TTR: variants seen among roughly 807,000 people sequenced by gnomAD.
TTR encodes the protein epididymis luminal protein 111.
In TTR, 8 loss-of-function variants were observed where a neutral mutation model predicts 13.7. The observed-to-expected ratio is 0.58, with a 90% confidence interval of 0.34 to 1.05. The LOEUF (loss-of-function observed/expected upper bound fraction) is 1.05, where lower values mean the gene tolerates loss of function less well. Ranked by LOEUF, TTR falls within the 50% of genes least tolerant of loss-of-function variation. The pLI, the probability that TTR is intolerant of heterozygous loss-of-function variation, is 0.02. For missense variants in TTR, 135 were observed against 185.5 expected (o/e 0.73, Z 1.58); for synonymous variants, 75 against 71.7 (o/e 1.05, Z -0.23).
At chr18:31,592,099 T>C in intron 1 of TTR, 128 bp downstream of exon 1, 1 of 910,808 alleles carries the variant, frequency 1.1e-6, no homozygotes, top group Non-Finnish European at 1.7e-6. Flanking sequence ...CTATTTTTAA[T>C]ATAATTAATT....
At chr18:31,596,597 C>T (rs1420596669) in intron 3 of TTR, among the ~76,000 whole-genome samples, 1 of 152,064 alleles carries the variant, frequency 6.6e-6, no homozygotes, top group Non-Finnish European at 1.5e-5. Context: ...ACATACTGCC[C>T]ACATGTTGTT....
intron 2 of TTR, chr18:31,593,682 C>T (rs981572713): frequency 1.3e-5 from 2 of 152,324 alleles, no homozygotes; most frequent in African/African-American, 2.4e-5. Flanking sequence ...CAAAGTACAG[C>T]CCCAGGCTAA....
intron 2 of TTR, chr18:31,593,636 TA>T (rs564935903): frequency 0.011 from 1,625 of 146,076 alleles, 13 homozygotes; most frequent in South Asian, 0.022. Context: ...CAAGCTCAGT[TA>T]AAAAAAAAAA....
intron 2 of TTR, among the ~76,000 whole-genome samples, chr18:31,594,297 G>A (rs537557270): frequency 3.9e-5 from 6 of 152,238 alleles, no homozygotes; most frequent in Non-Finnish European, 8.8e-5. Context: ...GGAAATAGAA[G>A]TTGCCTAGTG....
Position 31,598,582 on chromosome 18 carries a change from C to A in TTR, c.351C>A (p.Ala117=). The A allele has an allele frequency of 6.2e-7, 1 of 1,614,114 alleles. No homozygotes were observed. The highest frequency in any genetic ancestry group is 8.5e-7 in the Non-Finnish European group (1 of 1,180,034). ...FHEHAEVVFT[A]NDSGPRRYTI... ...TTCTCTCATAGGTGGTATTCACAGCCAACGACTCCGGCCCCCGCCGCTACA... is the reference window on the plus strand; with the variant it reads ...TTCTCTCATAGGTGGTATTCACAGCAAACGACTCCGGCCCCCGCCGCTACA... The change falls in exon 4 of 4, where the codon GCC becomes GCA. Residue 117 remains alanine (A), a synonymous_variant. Coordinates refer to ENST00000237014, the MANE Select transcript of TTR (RefSeq NM_000371.4).
intron 2 of TTR, among the ~76,000 whole-genome samples, chr18:31,593,823 A>C (rs576377176): frequency 6.6e-6 from 1 of 152,192 alleles, no homozygotes; most frequent in Non-Finnish European, 1.5e-5. Flanking sequence ...AAATCTAAGC[A>C]AAGTGACCAG....
intron 3 of TTR, among the ~76,000 whole-genome samples, chr18:31,596,458 G>A (rs980065244): frequency 7.2e-5 from 11 of 152,048 alleles, no homozygotes; most frequent in South Asian, 4.2e-4. Flanking sequence ...TTTCGGCGGC[G>A]CCCAGCACAA....
chr18:31,597,580 C>G (rs1382985207), intron 3 of TTR, among the ~76,000 whole-genome samples: 1 of 152,106 alleles, frequency 6.6e-6, no homozygotes, highest in Non-Finnish European at 1.5e-5. Flanking sequence ...TCCTCCTATC[C>G]CTAAGTAATC....
intron 1 of TTR, among the ~76,000 whole-genome samples, 170 bp downstream of exon 1, chr18:31,592,141 CT>C: frequency 6.6e-6 from 1 of 152,324 alleles, no homozygotes; most frequent in South Asian, 2.1e-4. Flanking sequence ...TTCCACTGAG[CT>C]TACTGAGCTG....
At chr18:31,595,424 A>G in intron 3 of TTR, 169 bp downstream of exon 3, 1 of 921,256 alleles carries the variant, frequency 1.1e-6, no homozygotes. Flanking sequence ...CACTCTGAGA[A>G]GCAAATTTCT....
chr18:31,596,103 T>C (rs757474614), intron 3 of TTR: 5 of 154,878 alleles, frequency 3.2e-5, no homozygotes, highest in Non-Finnish European at 5.8e-5. Flanking sequence ...CAGTTATACA[T>C]GGACCCAGTC....
chr18:31,592,000 A>T (rs745522806), intron 1 of TTR, 29 bp downstream of exon 1: 2 of 1,612,082 alleles, frequency 1.2e-6, no homozygotes, highest in Admixed American at 3.3e-5. Flanking sequence ...TCCCATTCCT[A>T]CATTTAAGAT....
chr18:31,595,330 A>T (rs1260192036), intron 3 of TTR, 75 bp downstream of exon 3: 1 of 1,588,384 alleles, frequency 6.3e-7, no homozygotes, highest in Non-Finnish European at 8.6e-7. Flanking sequence ...GCACAGTTTT[A>T]CTCAGTGTAC....
Position 31,595,269 on chromosome 18 carries a change from C to A in TTR, c.336+14C>A. The A allele has an allele frequency of 6.2e-7, 1 of 1,614,084 alleles. No individual in the cohort carries two copies. Among genetic ancestry groups the A allele is most frequent in the Non-Finnish European group, 8.5e-7 (1 of 1,179,996 alleles). On this transcript the variant is annotated intron_variant, in intron 3 of 3. Transcript: ENST00000237014. ...GAGCATGCAGAGGTGAGTATACAGA[C>A]CTTCGAGGGTTGTTTTGGTTTTGGT...
At chr18:31,598,542 A>C (rs1395375455) in intron 3 of TTR, 26 bp from the exon 4 acceptor site, 1 of 1,612,998 alleles carries the variant, frequency 6.2e-7, no homozygotes, top group African/African-American at 1.3e-5. Flanking sequence ...TCTGGTGGAA[A>C]TGGATCTGTC....
At chr18:31,594,349 A>G (rs1387011811) in intron 2 of TTR, among the ~76,000 whole-genome samples, 1 of 152,190 alleles carries the variant, frequency 6.6e-6, no homozygotes, top group Non-Finnish European at 1.5e-5. Flanking sequence ...TAAATATATA[A>G]AAGGGAAAAG....
chr18:31,596,316 G>A (rs1450796349), intron 3 of TTR: 1 of 153,334 alleles, frequency 6.5e-6, no homozygotes, highest in African/African-American at 2.4e-5. Flanking sequence ...ATGTTACCAG[G>A]GAAACAACAG....
chr18:31,594,025 G>A (rs2073502156), intron 2 of TTR, among the ~76,000 whole-genome samples: 1 of 152,126 alleles, frequency 6.6e-6, no homozygotes, highest in Non-Finnish European at 1.5e-5. Flanking sequence ...ATTCATTTAT[G>A]TTTATATAAA....
intron 3 of TTR, 38 bp downstream of exon 3, chr18:31,595,293 G>A (rs1567946237): frequency 6.2e-7 from 1 of 1,613,936 alleles, no homozygotes; most frequent in East Asian, 2.2e-5. Context: ...TTTGGTTTTG[G>A]TTTTTGCTTT....
Sources: allele counts gnomAD v4.1 joint callset (sites outside exome capture counted in the v4.1 genomes callset), GRCh38; gene constraint gnomAD v4.1.1; transcripts MANE v1.5; gene names NCBI Gene and HGNC (gene_info 2026-07-23, HGNC 2026-07-21).